The following RSBN1L variants were observed in gnomAD, a reference collection of about 807,000 sequenced individuals.
RSBN1L encodes round spermatid basic protein 1 like.
In RSBN1L, 30 loss-of-function variants were observed where a neutral mutation model predicts 67.7. The ratio of observed to expected loss-of-function variants is 0.44; its 90% CI spans 0.33 to 0.60. The LOEUF is 0.60. Ranked by LOEUF, RSBN1L falls within the 20% of genes least tolerant of loss-of-function variation. The pLI is 0.02. For synonymous variants in RSBN1L, 433 were observed against 387.0 expected, an observed-to-expected ratio of 1.12 and a Z score of -1.39; for missense variants, 992 against 1,031.7, an observed-to-expected ratio of 0.96 and a Z score of 0.53.
intron 2 of RSBN1L, among the ~76,000 whole-genome samples, chr7:77,739,828 CA>C (rs1301334531): frequency 8.3e-6 from 1 of 119,928 alleles, no homozygotes; most frequent in African/African-American, 3.2e-5. Flanking sequence ...CGGCTCACTG[CA>C]AACTCTGCCT....
chr7:77,757,784 T>C (rs1453999521), intron 3 of RSBN1L, among the ~76,000 whole-genome samples: 1 of 152,170 alleles, frequency 6.6e-6, no homozygotes, highest in African/African-American at 2.4e-5. Context: ...CAGGTTAGCC[T>C]GGGCTCATTT....
At position 77,702,007 on chromosome 7, in the gene RSBN1L, C is replaced by T. The variant is rs114917316; in HGVS notation, c.586+4952C>T. On this transcript the variant is annotated intron_variant, in intron 1 of 7. Coordinates refer to ENST00000334955, the MANE Select transcript of RSBN1L (RefSeq NM_198467.3). ...TTTTTTTGAGACGGTCTTGTACTGT[C>T]GCCCAGGCTGGAGTGCAATGCAGTT... 3.1e-3 allele frequency among the ~76,000 whole-genome samples: 466 copies of T among 150,784 alleles called. 1 individual carries two copies. Among genetic ancestry groups the T allele is most frequent in the African/African-American group, 0.011 (434 of 41,008 alleles).
At chr7:77,745,427 C>T (rs1791469515) in intron 2 of RSBN1L, among the ~76,000 whole-genome samples, 3 of 152,140 alleles carry the variant, frequency 2.0e-5, no homozygotes, top group Non-Finnish European at 4.4e-5. Context: ...AAGGAGGTAT[C>T]ATTTCACTCT....
At chr7:77,713,986 A>G (rs1307831458) in intron 1 of RSBN1L, among the ~76,000 whole-genome samples, 4 of 152,208 alleles carry the variant, frequency 2.6e-5, no homozygotes, top group Non-Finnish European at 5.9e-5. Flanking sequence ...TTGTTTTAAC[A>G]TCATTTATTG....
At chr7:77,756,323 G>T (rs527952406) in intron 3 of RSBN1L, among the ~76,000 whole-genome samples, 1 of 152,070 alleles carries the variant, frequency 6.6e-6, no homozygotes, top group East Asian at 1.9e-4. Flanking sequence ...AGTAGAGATG[G>T]GGTTTCACCA....
Position 77,775,608 on chromosome 7 carries a change from G to A in RSBN1L, c.1793+2294G>A, listed in dbSNP as rs553366080. 1.4e-4 allele frequency among the ~76,000 whole-genome samples: 21 copies of A among 152,154 alleles called. 1 individual carries two copies. The highest frequency in any genetic ancestry group is 1.4e-3 in the Admixed American group (21 of 15,282). Reference sequence around the variant, plus strand: ...GTGTTGTTTAGTTTCCAATATTTGAGGATTTTTTTCCAGATTTTTGTTTTG... The same window carrying A: ...GTGTTGTTTAGTTTCCAATATTTGAAGATTTTTTTCCAGATTTTTGTTTTG... On this transcript the variant is annotated intron_variant, in intron 6 of 7. Transcript: ENST00000334955.
At chr7:77,745,689 G>C (rs1791473040) in intron 2 of RSBN1L, among the ~76,000 whole-genome samples, 1 of 152,192 alleles carries the variant, frequency 6.6e-6, no homozygotes. Flanking sequence ...GGACAGATGG[G>C]ATGGTTTCGG....
intron 3 of RSBN1L, among the ~76,000 whole-genome samples, chr7:77,757,859 G>A (rs980117903): frequency 6.6e-6 from 1 of 152,174 alleles, no homozygotes; most frequent in Non-Finnish European, 1.5e-5. Flanking sequence ...ACAAGCTTCT[G>A]CTTGTGTTGT....
At chr7:77,710,999 A>T (rs891291350) in intron 1 of RSBN1L, among the ~76,000 whole-genome samples, 1 of 152,130 alleles carries the variant, frequency 6.6e-6, no homozygotes, top group Non-Finnish European at 1.5e-5. Flanking sequence ...CAACTTCTGG[A>T]TACATATTTG....
At chr7:77,753,475 A>G (rs753089347) in intron 3 of RSBN1L, among the ~76,000 whole-genome samples, 1 of 152,060 alleles carries the variant, frequency 6.6e-6, no homozygotes, top group Non-Finnish European at 1.5e-5. Flanking sequence ...CTTTTTTTCT[A>G]GTTGATTTGT....
chr7:77,713,268 T>C (rs73372287), intron 1 of RSBN1L, among the ~76,000 whole-genome samples: 15,461 of 152,064 alleles, frequency 0.1, 1,113 homozygotes, highest in South Asian at 0.19. Context: ...TTTAAGGGGG[T>C]GTACTTGGTC....
At chr7:77,755,717 A>C (rs1791608630) in intron 3 of RSBN1L, among the ~76,000 whole-genome samples, 1 of 152,142 alleles carries the variant, frequency 6.6e-6, no homozygotes, top group East Asian at 1.9e-4. Context: ...CCCACTGAAA[A>C]AAAAAATTGT....
intron 3 of RSBN1L, among the ~76,000 whole-genome samples, chr7:77,755,464 G>A (rs901427926): frequency 6.6e-6 from 1 of 152,052 alleles, no homozygotes; most frequent in African/African-American, 2.4e-5. Context: ...CAGGAGTTAA[G>A]AGACCAGCCT....
In RSBN1L at chr7:77,781,910, G is replaced by A. The variant is rs548907037; in HGVS notation, c.*2742G>A. ...TGAGGCAGGGGAATTGCTTGAACCC[G>A]GGAGGAGAAGGTTGCAGTGAGCCGA... On this transcript the variant is annotated 3_prime_UTR_variant, in exon 8 of 8. Transcript: ENST00000334955. 1.1e-4 allele frequency: 16 copies of A among 150,190 alleles called. No homozygotes were observed. Among genetic ancestry groups the A allele is most frequent in the African/African-American group, 3.9e-4 (16 of 40,812 alleles). The allele number at this position is 150,190 out of a possible 1,614,324, so 9.3% of individuals were successfully genotyped here.
At chr7:77,767,021 CTTCCCCTTCCCT>C (rs1218673172) in intron 4 of RSBN1L, among the ~76,000 whole-genome samples, 135 of 147,022 alleles carry the variant, frequency 9.2e-4, no homozygotes, top group African/African-American at 3.2e-3. Flanking sequence ...TTTCCTTCCC[CTTCCCCTTCCCT>C]TTCCCCTTCC....
At chr7:77,737,090 A>G (rs190080550) in intron 2 of RSBN1L, among the ~76,000 whole-genome samples, 4 of 151,760 alleles carry the variant, frequency 2.6e-5, no homozygotes, top group African/African-American at 9.7e-5. Context: ...GGAGAGAAGA[A>G]TTTGGGGGGT....
At chr7:77,726,282 G>A (rs117043256) in intron 1 of RSBN1L, among the ~76,000 whole-genome samples, 2,785 of 152,206 alleles carry the variant, frequency 0.018, 37 homozygotes, top group Middle Eastern at 0.071. Flanking sequence ...TTCTGTTCAA[G>A]GATCCCATCC....
Position 77,778,515 on chromosome 7 carries a change from T to C in RSBN1L, c.1903-15T>C. 1 of 1,597,754 alleles carries C rather than the reference T, an allele frequency of 6.3e-7. No homozygotes were observed. The highest frequency in any genetic ancestry group is 8.5e-7 in the Non-Finnish European group (1 of 1,171,560). On this transcript the variant is annotated splice_polypyrimidine_tract_variant and intron_variant, in intron 7 of 7. Transcript: ENST00000334955. Reference sequence around the variant, plus strand: ...GAAGAGAGTTATTTGTATTTCTTGTTTTATTATTTTTTAGTGTGTCCAATG... The same window carrying C: ...GAAGAGAGTTATTTGTATTTCTTGTCTTATTATTTTTTAGTGTGTCCAATG...
chr7:77,703,137 T>G (rs955407397), intron 1 of RSBN1L, among the ~76,000 whole-genome samples: 5 of 152,198 alleles, frequency 3.3e-5, no homozygotes, highest in African/African-American at 1.2e-4. Flanking sequence ...TCTCCCTGTT[T>G]TCATACCAGC....
Sources: gnomAD v4.1 joint callset for allele counts (sites outside exome capture counted in the v4.1 genomes callset) on GRCh38, gnomAD v4.1.1 for gene constraint, MANE v1.5 for transcripts, NCBI Gene and HGNC (gene_info 2026-07-23, HGNC 2026-07-21) for gene names.